The following KCNK9 variants were observed in gnomAD, a reference collection of about 807,000 sequenced individuals.
KCNK9 encodes the protein potassium two pore domain channel subfamily K member 9.
In KCNK9, 1 loss-of-function variant was observed where a neutral mutation model predicts 10.8. The ratio of observed to expected loss-of-function variants is 0.09; its 90% CI spans 0.03 to 0.44. KCNK9 has a LOEUF of 0.44. Among genes scored for constraint, KCNK9 ranks in the 20% least tolerant of loss-of-function variants. The probability of loss-of-function intolerance (pLI) is 0.97; values close to 1 mark genes in which losing one functional copy is unlikely to be tolerated. For missense variants in KCNK9, 303 were observed against 515.0 expected (o/e 0.59, Z 3.98); for synonymous variants, 231 against 222.7 (o/e 1.04, Z -0.33).
At chr8:139,639,501 C>T (rs1035344493) in intron 1 of KCNK9, among the ~76,000 whole-genome samples, 5 of 152,224 alleles carry the variant, frequency 3.3e-5, no homozygotes, top group African/African-American at 4.8e-5. Context: ...TGGAGAAAGT[C>T]CCCTGAGCCA....
intron 1 of KCNK9, among the ~76,000 whole-genome samples, chr8:139,674,816 C>T (rs927856569): frequency 2.6e-5 from 4 of 152,124 alleles, no homozygotes; most frequent in East Asian, 3.9e-4. Context: ...GTGGGGCCTG[C>T]GAGGCCCACA....
intron 1 of KCNK9, among the ~76,000 whole-genome samples, chr8:139,636,332 T>A (rs1467345692): frequency 6.6e-6 from 1 of 152,244 alleles, no homozygotes; most frequent in Non-Finnish European, 1.5e-5. Context: ...CCCCAGCACC[T>A]CAGCTGTTCT....
chr8:139,702,293 C>G lies in KCNK9; in HGVS notation c.283+417G>C, dbSNP rs1408238864. Among the ~76,000 whole-genome samples, 1 of 152,192 alleles carries G rather than the reference C, an allele frequency of 6.6e-6. No individual in the cohort carries two copies. On this transcript the variant is annotated intron_variant, in intron 1 of 1. Coordinates refer to ENST00000520439, the MANE Select transcript of KCNK9 (RefSeq NM_001282534.2). This position sits in a 1 kb window ranked among gnomAD's most constrained non-coding sequence, Gnocchi z 7.5. ...CCCTCTAGGAGCCATGGGTGCCAGG[C>G]CAGCCCTCTCCAACTCCCAGAGAGG...
intron 1 of KCNK9, among the ~76,000 whole-genome samples, chr8:139,689,743 C>T (rs963415498): frequency 3.3e-5 from 5 of 151,324 alleles, no homozygotes; most frequent in Admixed American, 2.0e-4. Context: ...CCCAGGTTCA[C>T]GCCATTCTCC....
In KCNK9 at chr8:139,702,555, G is replaced by A. The variant is rs1184894781; in HGVS notation, c.283+155C>T. On this transcript the variant is annotated intron_variant, in intron 1 of 1. Transcript: ENST00000520439. The surrounding 1 kb of genome is among the most constrained non-coding windows in gnomAD (Gnocchi z 7.5). ...GAGGCTCGGAGGCGCCGCGGAGGGG[G>A]GGCTCCCTAGAGAGGAGGGGGCGCT... is the stretch of plus-strand genomic sequence containing the variant. Among the ~76,000 whole-genome samples the A allele has an allele frequency of 6.6e-6, 1 of 152,104 alleles. No individual in the cohort carries two copies. The highest frequency in any genetic ancestry group is 1.5e-5 in the Non-Finnish European group (1 of 67,992).
chr8:139,638,485 A>C (rs1038416477), intron 1 of KCNK9, among the ~76,000 whole-genome samples: 1 of 152,170 alleles, frequency 6.6e-6, no homozygotes, highest in African/African-American at 2.4e-5. Context: ...CCATGCCTTC[A>C]CTGTTCAACA....
chr8:139,608,718 C>T (rs1438660818), downstream of KCNK9, among the ~76,000 whole-genome samples: 1 of 152,226 alleles, frequency 6.6e-6, no homozygotes, highest in Non-Finnish European at 1.5e-5. Context: ...TCCACCAGCC[C>T]ACCCTTCAGG....
chr8:139,633,578 C>T (rs60131374), intron 1 of KCNK9, among the ~76,000 whole-genome samples: 6,850 of 152,216 alleles, frequency 0.045, 487 homozygotes, highest in African/African-American at 0.15. Context: ...CACACGTATA[C>T]GCTCAACAGG....
intron 1 of KCNK9, among the ~76,000 whole-genome samples, chr8:139,697,518 C>T (rs199690395): frequency 3.4e-4 from 51 of 151,952 alleles, no homozygotes; most frequent in African/African-American, 1.2e-3. Context: ...TAAGCAGGTG[C>T]ATGGAGGACT....
At chr8:139,678,224 C>T (rs1320798588) in intron 1 of KCNK9, among the ~76,000 whole-genome samples, 1 of 152,238 alleles carries the variant, frequency 6.6e-6, no homozygotes, top group Non-Finnish European at 1.5e-5. Flanking sequence ...GCCCAAGGTG[C>T]AGGCTGCCTT....
At chr8:139,614,717 C>T (rs1814528109), downstream of KCNK9, among the ~76,000 whole-genome samples, 1 of 152,218 alleles carries the variant, frequency 6.6e-6, no homozygotes, top group Non-Finnish European at 1.5e-5. Context: ...AGGATGGGTG[C>T]AATGAGGATT....
At chr8:139,612,577 G>C (rs1814463112), downstream of KCNK9, 1 of 152,070 alleles carries the variant, frequency 6.6e-6, no homozygotes, top group African/African-American at 2.4e-5. Context: ...GCACAGCAGA[G>C]GTCCACTTGA....
intron 1 of KCNK9, among the ~76,000 whole-genome samples, chr8:139,672,540 A>G (rs1357307001): frequency 6.6e-6 from 1 of 152,212 alleles, no homozygotes; most frequent in Non-Finnish European, 1.5e-5. Flanking sequence ...ACACTACAAG[A>G]TGGTCTCAAA....
chr8:139,664,047 G>A (rs112362653), intron 1 of KCNK9, among the ~76,000 whole-genome samples: 4 of 152,296 alleles, frequency 2.6e-5, no homozygotes, highest in African/African-American at 9.6e-5. Context: ...GGAAACGGGA[G>A]CAGGGACCGA....
At chr8:139,614,314 G>A (rs934456125), downstream of KCNK9, among the ~76,000 whole-genome samples, 2 of 152,214 alleles carry the variant, frequency 1.3e-5, no homozygotes, top group African/African-American at 4.8e-5. Context: ...CCTTTGATGG[G>A]TGGGGTTTTA....
chr8:139,662,383 A>G (rs1816176880), intron 1 of KCNK9, among the ~76,000 whole-genome samples: 1 of 152,172 alleles, frequency 6.6e-6, no homozygotes, highest in Admixed American at 6.5e-5. Context: ...TGGCCAGGGC[A>G]GTGTGAGGCG....
intron 1 of KCNK9, among the ~76,000 whole-genome samples, chr8:139,625,076 T>G (rs1814925267): frequency 6.6e-6 from 1 of 151,908 alleles, no homozygotes; most frequent in South Asian, 2.1e-4. Flanking sequence ...ACTGGCCAAA[T>G]TCATGGGTCC....
At position 139,652,567 on chromosome 8, in the gene KCNK9, G is replaced by A. The variant is rs191956279; in HGVS notation, c.284-33468C>T. 4.0e-3 allele frequency among the ~76,000 whole-genome samples: 607 copies of A among 152,298 alleles called. 4 individuals carry two copies. Among genetic ancestry groups the A allele is most frequent in the Non-Finnish European group, 6.3e-3 (426 of 68,014 alleles). On this transcript the variant is annotated intron_variant, in intron 1 of 1. Coordinates refer to ENST00000520439, the MANE Select transcript of KCNK9 (RefSeq NM_001282534.2). The stretch of plus-strand genomic sequence containing the variant: ...CACCCATGCTCTGGGGGCGGGGGCC[G>A]CCAGCCTGCCCTGGCGCTCCTCTAA...
chr8:139,678,004 G>A (rs58079203), intron 1 of KCNK9, among the ~76,000 whole-genome samples: 6,788 of 126,082 alleles, frequency 0.054, 655 homozygotes, highest in African/African-American at 0.15. Context: ...AGGTCCCCAC[G>A]GCTGCAGAGT....
Sources: allele counts gnomAD v4.1 joint callset (sites outside exome capture counted in the v4.1 genomes callset), GRCh38; gene constraint gnomAD v4.1.1; non-coding constraint Gnocchi (gnomAD v3.1); transcripts MANE v1.5; gene names NCBI Gene and HGNC (gene_info 2026-07-23, HGNC 2026-07-21).